The following TGFA variants were observed in gnomAD, a reference collection of about 807,000 sequenced individuals.
TGFA encodes the protein protransforming growth factor alpha.
TGFA carries 12 observed loss-of-function variants against 21.7 expected under a neutral mutation model. That is an observed-to-expected ratio of 0.55 (90% confidence interval 0.35 to 0.90). The LOEUF is 0.90. TGFA is among the 40% of genes least tolerant of loss of function. The probability of loss-of-function intolerance (pLI) is 0.01; values close to 1 mark genes in which losing one functional copy is unlikely to be tolerated. For missense variants in TGFA, 178 were observed against 210.8 expected (o/e 0.84, Z 0.96); for synonymous variants, 79 against 88.1 (o/e 0.90, Z 0.58).
intron 1 of TGFA, among the ~76,000 whole-genome samples, chr2:70,545,573 G>C (rs1189098336): frequency 6.6e-6 from 1 of 152,038 alleles, no homozygotes; most frequent in African/African-American, 2.4e-5. Context: ...ATGAAAATGA[G>C]TTACATCTCA....
rs1669974746 is a variant in TGFA at position 70,449,146 on chromosome 2, G to A, written c.*1713C>T. 1 of 152,006 alleles carries A rather than the reference G, an allele frequency of 6.6e-6. No individual in the cohort carries two copies. Among genetic ancestry groups the A allele is most frequent in the African/African-American group, 2.4e-5 (1 of 41,372 alleles). The allele number at this position is 152,006 out of a possible 1,614,324, so 9.4% of individuals were successfully genotyped here. On this transcript the variant is annotated 3_prime_UTR_variant, in exon 6 of 6. Transcript: ENST00000295400. Reference sequence around the variant, plus strand: ...AGGTGTGGCATTGTTAAATAAGAGTGCCAAAAATGAAGACACGGGTCATAG... The same window carrying A: ...AGGTGTGGCATTGTTAAATAAGAGTACCAAAAATGAAGACACGGGTCATAG...
chr2:70,470,933 C>T (rs1670724092), intron 2 of TGFA, among the ~76,000 whole-genome samples: 1 of 152,030 alleles, frequency 6.6e-6, no homozygotes, highest in African/African-American at 2.4e-5. Context: ...TTTCTCATTA[C>T]AAAAGTGACA....
intron 1 of TGFA, among the ~76,000 whole-genome samples, chr2:70,545,874 T>C (rs1041150051): frequency 6.6e-6 from 1 of 152,156 alleles, no homozygotes; most frequent in Non-Finnish European, 1.5e-5. Flanking sequence ...ACTATTCTTC[T>C]CATATAAAGT....
At chr2:70,543,079 G>T (rs1553505386) in intron 1 of TGFA, among the ~76,000 whole-genome samples, 1 of 151,666 alleles carries the variant, frequency 6.6e-6, no homozygotes, top group African/African-American at 2.4e-5. Flanking sequence ...CTCCAGCCTG[G>T]GTAACAAGAG....
intron 1 of TGFA, among the ~76,000 whole-genome samples, chr2:70,524,810 G>T (rs1672585886): frequency 6.6e-6 from 1 of 152,234 alleles, no homozygotes; most frequent in East Asian, 1.9e-4. Context: ...AACCAGCTGA[G>T]CAGAGGGCAC....
intron 1 of TGFA, among the ~76,000 whole-genome samples, chr2:70,550,194 G>A (rs1419536347): frequency 6.6e-6 from 1 of 152,122 alleles, no homozygotes; most frequent in Non-Finnish European, 1.5e-5. Context: ...TACGGGAGTT[G>A]CCATAAAAAT....
chr2:70,476,724 GGAA>G (rs1300521305), intron 2 of TGFA, among the ~76,000 whole-genome samples: 2 of 152,168 alleles, frequency 1.3e-5, no homozygotes, highest in African/African-American at 4.8e-5. Flanking sequence ...CCGTGTGGGT[GGAA>G]GAAGGATACT....
rs1393812675 is a variant in TGFA at position 70,504,448 on chromosome 2, A to ATATATATATATGTG, written c.94+10410_94+10411insCACATATATATATA. Among the ~76,000 whole-genome samples, 3 of 78,868 alleles carry ATATATATATATGTG rather than the reference A, an allele frequency of 3.8e-5. No individual in the cohort carries two copies. In the East Asian group the frequency reaches 1.2e-3, roughly 32 times the overall value. The allele number at this position is 78,868 out of a possible 152,430, so 51.7% of individuals were successfully genotyped here. A position where few individuals can be genotyped will look rare whatever the true frequency, so the allele number is the denominator to read the frequency against. On this transcript the variant is annotated intron_variant, in intron 2 of 5. Transcript: ENST00000295400. ...AAACAAAACAAATATATATATATAT[A>ATATATATATATGTG]TATATATATATATATACACACATAC...
At chr2:70,458,738 A>C (rs1670318318) in intron 3 of TGFA, among the ~76,000 whole-genome samples, 1 of 152,150 alleles carries the variant, frequency 6.6e-6, no homozygotes, top group Non-Finnish European at 1.5e-5. Flanking sequence ...CCATCCATCC[A>C]TTCTTCCATA....
chr2:70,473,076 C>T (rs1670806381), intron 2 of TGFA, among the ~76,000 whole-genome samples: 1 of 152,116 alleles, frequency 6.6e-6, no homozygotes, highest in Admixed American at 6.5e-5. Flanking sequence ...ATCTGATACT[C>T]CCAGGTATCA....
intron 2 of TGFA, among the ~76,000 whole-genome samples, chr2:70,513,390 C>T (rs894177462): frequency 2.0e-5 from 3 of 152,092 alleles, no homozygotes; most frequent in African/African-American, 7.2e-5. Flanking sequence ...TATCTGAGTC[C>T]TTTGTGGATG....
intron 1 of TGFA, among the ~76,000 whole-genome samples, chr2:70,521,021 C>G (rs1574128244): frequency 6.6e-6 from 1 of 152,096 alleles, no homozygotes; most frequent in South Asian, 2.1e-4. Context: ...CCTGCTGTTA[C>G]TGCCCCAATT....
intron 2 of TGFA, among the ~76,000 whole-genome samples, chr2:70,495,166 T>C (rs1553498175): frequency 6.6e-6 from 1 of 152,240 alleles, no homozygotes; most frequent in African/African-American, 2.4e-5. Context: ...CATCTCAGAA[T>C]AATTTGTGAC....
At chr2:70,495,285 A>G (rs538032746) in intron 2 of TGFA, among the ~76,000 whole-genome samples, 1 of 152,352 alleles carries the variant, frequency 6.6e-6, no homozygotes, top group East Asian at 1.9e-4. Flanking sequence ...GAATGTGTCT[A>G]TTCTTGTCCC....
At chr2:70,492,148 A>C (rs1671455173) in intron 2 of TGFA, among the ~76,000 whole-genome samples, 1 of 152,230 alleles carries the variant, frequency 6.6e-6, no homozygotes, top group African/African-American at 2.4e-5. Flanking sequence ...GAAGGTAAGA[A>C]TATAGACAAA....
chr2:70,537,185 C>G (rs1486435105), intron 1 of TGFA, among the ~76,000 whole-genome samples: 2 of 151,994 alleles, frequency 1.3e-5, no homozygotes, highest in Non-Finnish European at 2.9e-5. Context: ...ATGAACCACA[C>G]CCGTAGAAGA....
At chr2:70,471,642 T>C (rs1366314007) in intron 2 of TGFA, among the ~76,000 whole-genome samples, 2 of 152,104 alleles carry the variant, frequency 1.3e-5, no homozygotes, top group African/African-American at 4.8e-5. Flanking sequence ...GAGAGGCACT[T>C]TGGTGAAGGT....
intron 1 of TGFA, among the ~76,000 whole-genome samples, chr2:70,529,590 C>A (rs1315222209): frequency 3.4e-5 from 5 of 148,676 alleles, no homozygotes; most frequent in Non-Finnish European, 7.4e-5. Context: ...GGAGTGAATC[C>A]CCCCGCCCCA....
chr2:70,518,450 G>A (rs1553501887), intron 1 of TGFA, among the ~76,000 whole-genome samples: 1 of 152,154 alleles, frequency 6.6e-6, no homozygotes, highest in Non-Finnish European at 1.5e-5. Flanking sequence ...CAGCTGTTTG[G>A]TACTCAGGTA....
Sources: allele counts gnomAD v4.1 joint callset (sites outside exome capture counted in the v4.1 genomes callset), GRCh38; gene constraint gnomAD v4.1.1; transcripts MANE v1.5; gene names NCBI Gene and HGNC (gene_info 2026-07-23, HGNC 2026-07-21).